NRP1: variants seen among roughly 807,000 people sequenced by gnomAD.
NRP1 encodes the protein neuropilin 1.
Under a neutral mutation model 106.7 loss-of-function variants are expected in NRP1, and 35 were observed. That is an observed-to-expected ratio of 0.33 (90% CI 0.25 to 0.43). NRP1 has a LOEUF of 0.43. Among genes scored for constraint, NRP1 ranks in the 20% least tolerant of loss-of-function variants. NRP1 has a pLI of 1.00. For synonymous variants in NRP1, 437 were observed against 417.9 expected, an observed-to-expected ratio of 1.05 and a Z score of -0.56; for missense variants, 1,024 against 1,170.4, an observed-to-expected ratio of 0.87 and a Z score of 1.83.
intron 12 of NRP1, among the ~76,000 whole-genome samples, chr10:33,193,065 C>A (rs973012873): frequency 6.6e-6 from 1 of 151,928 alleles, no homozygotes; most frequent in African/African-American, 2.4e-5. Flanking sequence ...ATTGTTCACC[C>A]GGCTTAAAAC....
intron 6 of NRP1, among the ~76,000 whole-genome samples, chr10:33,253,278 A>G (rs1216848923): frequency 2.0e-5 from 3 of 152,094 alleles, no homozygotes; most frequent in African/African-American, 7.2e-5. Context: ...GGTGCCGGCG[A>G]TGAGAGGGGG....
At chr10:33,280,304 G>A (rs1844023346) in intron 2 of NRP1, among the ~76,000 whole-genome samples, 1 of 152,148 alleles carries the variant, frequency 6.6e-6, no homozygotes. Context: ...GGAAGGGAAG[G>A]AACGCCTCCC....
At chr10:33,283,258 C>T (rs1844274315) in intron 2 of NRP1, among the ~76,000 whole-genome samples, 1 of 152,186 alleles carries the variant, frequency 6.6e-6, no homozygotes, top group African/African-American at 2.4e-5. Flanking sequence ...CTTCTGTAAT[C>T]TCTAGTGTTT....
Position 33,329,506 on chromosome 10 carries a change from T to G in NRP1, c.248+1202A>C, listed in dbSNP as rs115095231. On this transcript the variant is annotated intron_variant, in intron 2 of 16. Coordinates refer to ENST00000374867, the MANE Select transcript of NRP1 (RefSeq NM_003873.7). The stretch of plus-strand genomic sequence containing the variant: ...TCTGTTCTTTCCCAAAAGAAATGTG[T>G]GTTCAAATAGACTGTCTTTAACAAT... Among the ~76,000 whole-genome samples the G allele has an allele frequency of 5.1e-3, 779 of 152,314 alleles. 5 individuals are homozygous for G. The highest frequency in any genetic ancestry group is 0.018 in the African/African-American group (736 of 41,570).
chr10:33,284,735 T>C (rs1844392481), intron 2 of NRP1, among the ~76,000 whole-genome samples: 1 of 152,210 alleles, frequency 6.6e-6, no homozygotes, highest in Non-Finnish European at 1.5e-5. Flanking sequence ...GTTCTTTTCA[T>C]GAATATTCAC....
chr10:33,204,070 A>G lies in NRP1; in HGVS notation c.1760-1075T>C, dbSNP rs144886413. Among the ~76,000 whole-genome samples, 990 of 152,050 alleles carry G rather than the reference A, an allele frequency of 6.5e-3. 10 individuals carry two copies. Among genetic ancestry groups the G allele is most frequent in the Non-Finnish European group, 0.011 (743 of 67,990 alleles). ...TTTTTAGCCTGTTACTCATTTTTGC[A>G]ATCTGTTTAATATTTTACAGTTTTT... On this transcript the variant is annotated intron_variant, in intron 10 of 16. Transcript: ENST00000374867.
intron 11 of NRP1, among the ~76,000 whole-genome samples, chr10:33,200,352 A>AT (rs1837192137): frequency 6.6e-6 from 1 of 152,108 alleles, no homozygotes; most frequent in Admixed American, 6.5e-5. Context: ...TCAGGGAAGC[A>AT]TTTTCACCTT....
chr10:33,280,365 CA>C (rs1300095718), intron 2 of NRP1, among the ~76,000 whole-genome samples: 1 of 152,140 alleles, frequency 6.6e-6, no homozygotes, highest in Non-Finnish European at 1.5e-5. Context: ...GTCAGACTTG[CA>C]AAGTTCAGTA....
intron 7 of NRP1, among the ~76,000 whole-genome samples, chr10:33,223,031 G>A (rs1373371700): frequency 1.3e-5 from 2 of 152,190 alleles, no homozygotes; most frequent in East Asian, 3.9e-4. Flanking sequence ...GCCTTGGGTT[G>A]GGAACAGCCC....
intron 2 of NRP1, among the ~76,000 whole-genome samples, chr10:33,317,295 C>T (rs1432199299): frequency 6.6e-6 from 1 of 152,208 alleles, no homozygotes; most frequent in South Asian, 2.1e-4. Flanking sequence ...TGATCCCAAG[C>T]TCTTTCCTGC....
intron 6 of NRP1, among the ~76,000 whole-genome samples, chr10:33,242,389 A>C (rs760422693): frequency 6.6e-6 from 1 of 152,234 alleles, no homozygotes; most frequent in Non-Finnish European, 1.5e-5. Context: ...AACTACATTA[A>C]AACTAAAGAA....
chr10:33,238,827 A>G (rs553572729), intron 6 of NRP1, among the ~76,000 whole-genome samples: 2 of 152,244 alleles, frequency 1.3e-5, no homozygotes, highest in African/African-American at 2.4e-5. Flanking sequence ...ACGATGATGC[A>G]TATGTACACA....
Position 33,226,211 on chromosome 10 carries a change from A to T in NRP1, c.1060T>A (p.Tyr354Asn). ...ACGTCGATCTTGTAAGTCTTGACATAATATTTCTTCTTGGTTTCTTTTGAA... is the reference window on the plus strand; with the variant it reads ...ACGTCGATCTTGTAAGTCTTGACATTATATTTCTTCTTGGTTTCTTTTGAA... ...AISKETKKKY[Y>N]VKTYKIDVSS... is the part of the protein sequence containing the mutation. Residue 354 changes from tyrosine (Y) to asparagine (N), a missense_variant, in exon 7 of 17, where the codon TAT becomes AAT. Tyr to Asn is a moderately radical substitution (Grantham distance 143). Transcript: ENST00000374867. The T allele has an allele frequency of 6.2e-7, 1 of 1,614,132 alleles. No individual in the cohort carries two copies. Among genetic ancestry groups the T allele is most frequent in the South Asian group, 1.1e-5 (1 of 91,074 alleles).
At chr10:33,317,677 C>T (rs1847135001) in intron 2 of NRP1, among the ~76,000 whole-genome samples, 1 of 151,922 alleles carries the variant, frequency 6.6e-6, no homozygotes, top group Non-Finnish European at 1.5e-5. Flanking sequence ...ATTTACAATT[C>T]CTCAAGCACA....
chr10:33,289,154 A>G (rs1844799057), intron 2 of NRP1, among the ~76,000 whole-genome samples: 1 of 152,242 alleles, frequency 6.6e-6, no homozygotes, highest in African/African-American at 2.4e-5. Flanking sequence ...GGAAGAGAAC[A>G]CCTTAAACTT....
At chr10:33,240,157 G>A (rs900396627) in intron 6 of NRP1, among the ~76,000 whole-genome samples, 4 of 152,128 alleles carry the variant, frequency 2.6e-5, no homozygotes, top group African/African-American at 9.7e-5. Context: ...AGTGAGGCAA[G>A]GATGTCTGAC....
In NRP1 at chr10:33,179,458, T is replaced by A. The variant is rs190118186; in HGVS notation, c.*618A>T. On this transcript the variant is annotated 3_prime_UTR_variant, in exon 17 of 17. Transcript: ENST00000374867. ...CTGTATGGAGTTCACAAGCACGAGG[T>A]TTAGTACAACACCGGAAAAACAGCA... is the stretch of plus-strand genomic sequence containing the variant. The A allele has an allele frequency of 6.5e-6, 1 of 152,976 alleles. No individual in the cohort carries two copies. Among genetic ancestry groups the A allele is most frequent in the Non-Finnish European group, 1.5e-5 (1 of 68,288 alleles). 9.5% of individuals were successfully genotyped at this position (152,976 alleles called of 1,614,324 possible). A position where few individuals can be genotyped will look rare whatever the true frequency, so the allele number is the denominator to read the frequency against.
At chr10:33,237,485 G>GTGCA (rs1554788810) in intron 6 of NRP1, among the ~76,000 whole-genome samples, 2,953 of 130,130 alleles carry the variant, frequency 0.023, 115 homozygotes, top group African/African-American at 0.093. Context: ...ACACATGCGC[G>GTGCA]CGCACACACA....
chr10:33,224,893 G>GC (rs1482962304), intron 7 of NRP1, among the ~76,000 whole-genome samples: 3 of 152,110 alleles, frequency 2.0e-5, no homozygotes, highest in African/African-American at 7.2e-5. Context: ...AGCTCTCCCG[G>GC]CTCTCTCTGG....
Sources: gnomAD v4.1 joint callset for allele counts (sites outside exome capture counted in the v4.1 genomes callset) on GRCh38, gnomAD v4.1.1 for gene constraint, MANE v1.5 for transcripts, NCBI Gene and HGNC (gene_info 2026-07-23, HGNC 2026-07-21) for gene names.